SEMA5A: variants seen among roughly 807,000 people sequenced by gnomAD.
The protein encoded by SEMA5A is semaphorin 5A.
Under a neutral mutation model 135.5 loss-of-function variants are expected in SEMA5A, and 55 were observed. The observed-to-expected ratio is 0.41, with a 90% CI of 0.33 to 0.51. The LOEUF (loss-of-function observed/expected upper bound fraction) is 0.51. SEMA5A is among the 20% of genes least tolerant of loss of function. The pLI is 0.37. For synonymous variants in SEMA5A, 580 were observed against 546.5 expected, an observed-to-expected ratio of 1.06 and a Z score of -0.85; for missense variants, 1,290 against 1,419.9, an observed-to-expected ratio of 0.91 and a Z score of 1.47.
intron 2 of SEMA5A, among the ~76,000 whole-genome samples, chr5:9,392,082 C>CT (rs1285033625): frequency 6.6e-6 from 1 of 152,140 alleles, no homozygotes; most frequent in East Asian, 1.9e-4. Flanking sequence ...GATCCTAGAT[C>CT]TTTTTCTACA....
intron 3 of SEMA5A, among the ~76,000 whole-genome samples, chr5:9,362,692 T>C (rs3798000): frequency 0.055 from 8,448 of 152,286 alleles, 527 homozygotes; most frequent in African/African-American, 0.14. Flanking sequence ...ACACAGTTAA[T>C]GTACTTGCCC....
intron 5 of SEMA5A, among the ~76,000 whole-genome samples, chr5:9,272,074 G>A (rs1482861645): frequency 6.6e-6 from 1 of 152,068 alleles, no homozygotes; most frequent in Non-Finnish European, 1.5e-5. Flanking sequence ...TGGCTTGGCA[G>A]GTTTCAACCC....
At chr5:9,172,200 C>G (rs1743961808) in intron 11 of SEMA5A, among the ~76,000 whole-genome samples, 1 of 152,158 alleles carries the variant, frequency 6.6e-6, no homozygotes, top group African/African-American at 2.4e-5. Context: ...GGCTATTATC[C>G]AATCCGTGCA....
At chr5:9,534,803 C>G (rs1004218844) in intron 1 of SEMA5A, among the ~76,000 whole-genome samples, 16 of 152,202 alleles carry the variant, frequency 1.1e-4, no homozygotes. Context: ...CAGTCTTCTC[C>G]TCTAGCCATA....
At chr5:9,528,459 G>A (rs1737258155) in intron 1 of SEMA5A, among the ~76,000 whole-genome samples, 2 of 152,200 alleles carry the variant, frequency 1.3e-5, no homozygotes, top group Non-Finnish European at 2.9e-5. Flanking sequence ...TCTGCAGTGT[G>A]CTTTGCCACT....
At chr5:9,500,413 A>G (rs191754317) in intron 1 of SEMA5A, among the ~76,000 whole-genome samples, 15 of 152,222 alleles carry the variant, frequency 9.9e-5, no homozygotes, top group African/African-American at 3.1e-4. Flanking sequence ...AAAACAGCAA[A>G]CCTTCCAACG....
intron 16 of SEMA5A, among the ~76,000 whole-genome samples, chr5:9,075,500 CTT>C (rs978051570): frequency 2.0e-5 from 3 of 150,644 alleles, no homozygotes; most frequent in Non-Finnish European, 3.0e-5. Flanking sequence ...GAAATGAACT[CTT>C]AATATACAAA....
chr5:9,175,148 C>G (rs758462736), intron 11 of SEMA5A, among the ~76,000 whole-genome samples: 9 of 152,068 alleles, frequency 5.9e-5, no homozygotes, highest in Non-Finnish European at 1.2e-4. Context: ...ATTCTGCTCC[C>G]TGCATCCCCA....
chr5:9,545,133 C>A lies in SEMA5A; in HGVS notation c.-175+451G>T, dbSNP rs1738311933. On this transcript the variant is annotated intron_variant, in intron 1 of 22. Transcript: ENST00000382496. This position sits in a 1 kb window ranked among gnomAD's most constrained non-coding sequence, Gnocchi z 4.5. ...AGGAAAGCAGGAAAACCTGCCCAAG[C>A]CGGTGGGGCTGCGAGGTGGCCGCTC... is the stretch of plus-strand genomic sequence containing the variant. Among the ~76,000 whole-genome samples, 1 of 152,154 alleles carries A rather than the reference C, an allele frequency of 6.6e-6. No homozygotes were observed. The highest frequency in any genetic ancestry group is 1.5e-5 in the Non-Finnish European group (1 of 68,022).
intron 6 of SEMA5A, among the ~76,000 whole-genome samples, chr5:9,229,456 G>A (rs1371906638): frequency 6.6e-6 from 1 of 152,162 alleles, no homozygotes; most frequent in Non-Finnish European, 1.5e-5. Context: ...GAAGAAACTA[G>A]AGGGGTACGG....
intron 13 of SEMA5A, among the ~76,000 whole-genome samples, chr5:9,125,116 A>G (rs916107344): frequency 6.9e-6 from 1 of 144,096 alleles, no homozygotes; most frequent in Non-Finnish European, 1.6e-5. Context: ...ATAGGAACTA[A>G]CATGAAAAGT....
At chr5:9,164,819 G>C (rs1560979998) in intron 11 of SEMA5A, among the ~76,000 whole-genome samples, 1 of 152,066 alleles carries the variant, frequency 6.6e-6, no homozygotes. Context: ...AGGATTTCTA[G>C]AATTTTAGCT....
At chr5:9,085,911 C>T (rs1440863541) in intron 16 of SEMA5A, among the ~76,000 whole-genome samples, 1 of 152,200 alleles carries the variant, frequency 6.6e-6, no homozygotes, top group Non-Finnish European at 1.5e-5. Context: ...TGCCCAAGAC[C>T]ATGGAAACCC....
chr5:9,252,996 A>G (rs1271449336), intron 5 of SEMA5A, among the ~76,000 whole-genome samples: 1 of 152,120 alleles, frequency 6.6e-6, no homozygotes, highest in African/African-American at 2.4e-5. Flanking sequence ...ACTCTCCTCT[A>G]ATTGGAGTAT....
At chr5:9,405,845 C>G (rs1253276424) in intron 2 of SEMA5A, among the ~76,000 whole-genome samples, 2 of 152,160 alleles carry the variant, frequency 1.3e-5, no homozygotes, top group African/African-American at 4.8e-5. Context: ...TAAACGATGT[C>G]TGTAACAGAG....
In SEMA5A at chr5:9,412,590, CA is replaced by C. The variant is rs1227960538; in HGVS notation, c.-78+25165del. On this transcript the variant is annotated intron_variant, in intron 2 of 22. Coordinates refer to ENST00000382496, the MANE Select transcript of SEMA5A (RefSeq NM_003966.3). ...GGGGCCAGAACGGATTCAGATTTTG[CA>C]TTTTTTTTTTTTTTTTTTGGATTTT... is the stretch of plus-strand genomic sequence containing the variant. 1.2e-4 allele frequency among the ~76,000 whole-genome samples: 10 copies of C among 83,900 alleles called. No homozygotes were observed. In the East Asian group the frequency reaches 1.7e-3, roughly 14 times the overall value. 55.0% of individuals were successfully genotyped at this position (83,900 alleles called of 152,430 possible).
chr5:9,150,515 G>A (rs73740361), intron 12 of SEMA5A, among the ~76,000 whole-genome samples: 5,246 of 152,030 alleles, frequency 0.035, 156 homozygotes, highest in South Asian at 0.084. Context: ...TTTTTTACTC[G>A]TCTTTGAGGT....
intron 11 of SEMA5A, among the ~76,000 whole-genome samples, chr5:9,165,575 T>C (rs780461423): frequency 1.3e-5 from 2 of 152,214 alleles, no homozygotes; most frequent in African/African-American, 2.4e-5. Flanking sequence ...GCCACTAACC[T>C]GGGAAGCTAA....
chr5:9,163,983 A>G (rs1195556378), intron 11 of SEMA5A, among the ~76,000 whole-genome samples: 2 of 139,690 alleles, frequency 1.4e-5, no homozygotes, highest in Non-Finnish European at 3.0e-5. Flanking sequence ...TTATATAACA[A>G]TTATATATTA....
Sources: gnomAD v4.1 joint callset for allele counts (sites outside exome capture counted in the v4.1 genomes callset) on GRCh38, gnomAD v4.1.1 for gene constraint, Gnocchi (gnomAD v3.1) non-coding constraint, MANE v1.5 for transcripts, NCBI Gene and HGNC (gene_info 2026-07-23, HGNC 2026-07-21) for gene names.